The following ASCC2 variants were observed in gnomAD, a reference collection of about 807,000 sequenced individuals.
ASCC2 encodes the protein activating signal cointegrator 1 complex subunit 2, also known as ASC-1 complex subunit P100.
In ASCC2, 42 loss-of-function variants were observed where a neutral mutation model predicts 93.5. The ratio of observed to expected loss-of-function variants is 0.45; its 90% CI spans 0.35 to 0.58. The LOEUF is 0.58. ASCC2 is among the 20% of genes least tolerant of loss of function. The pLI is 0.00. For missense variants in ASCC2, 859 were observed against 977.6 expected (o/e 0.88, Z 1.62); for synonymous variants, 364 against 384.2 (o/e 0.95, Z 0.62).
At chr22:29,837,680 A>G (rs947573235) in intron 1 of ASCC2, among the ~76,000 whole-genome samples, 1 of 151,510 alleles carries the variant, frequency 6.6e-6, no homozygotes, top group Non-Finnish European at 1.5e-5. Context: ...ATTAAATACT[A>G]CTCTCCTCAG....
chr22:29,795,126 C>A (rs1219787397), intron 15 of ASCC2, among the ~76,000 whole-genome samples: 3 of 151,968 alleles, frequency 2.0e-5, no homozygotes, highest in Non-Finnish European at 4.4e-5. Flanking sequence ...GGGTATCTGC[C>A]ATGTTGGTCA....
chr22:29,798,540 G>A (rs1314731682), intron 15 of ASCC2, among the ~76,000 whole-genome samples: 1 of 152,196 alleles, frequency 6.6e-6, no homozygotes, highest in Admixed American at 6.5e-5. Context: ...ACCAAGCCTA[G>A]ACGGCCCTAC....
Position 29,822,380 on chromosome 22 carries a change from C to T in ASCC2, c.496G>A (p.Val166Met), listed in dbSNP as rs779333751. 8.7e-6 allele frequency: 14 copies of T among 1,613,792 alleles called. No homozygotes were observed. The Admixed American group carries it at 1.0e-4, about 12-fold the overall frequency. The stretch of plus-strand genomic sequence containing the variant: ...GGTGAGTTGCCTTTTCCAAAGAGCA[C>T]GCAGAGGTCCAGGATCTTTGGAATG... The part of the protein sequence containing the change: ...FDIPKILDLC[V>M]LFGKGNSPLL... The change falls in exon 5 of 20, where the codon GTG becomes ATG. Residue 166 changes from valine to methionine, a missense_variant. Physicochemically the swap from Val to Met is conservative, Grantham distance 21 (BLOSUM62 1). Transcript: ENST00000307790.
chr22:29,837,323 C>T (rs2063938980), intron 1 of ASCC2, among the ~76,000 whole-genome samples: 1 of 151,822 alleles, frequency 6.6e-6, no homozygotes, highest in Admixed American at 6.6e-5. Flanking sequence ...ATCCTAGCTA[C>T]TCAGGAGGCT....
intron 13 of ASCC2, among the ~76,000 whole-genome samples, chr22:29,804,140 G>A (rs1291748354): frequency 1.3e-5 from 2 of 152,194 alleles, no homozygotes; most frequent in African/African-American, 4.8e-5. Context: ...GGCCTTGGTG[G>A]CCAATCAAGA....
At chr22:29,815,286 G>T (rs1832835366) in intron 6 of ASCC2, 1 of 153,544 alleles carries the variant, frequency 6.5e-6, no homozygotes, top group Non-Finnish European at 1.4e-5. Flanking sequence ...GACAGAGCAG[G>T]ACCCTGTCTT....
chr22:29,831,143 G>A (rs537172912), intron 2 of ASCC2, among the ~76,000 whole-genome samples: 1 of 152,308 alleles, frequency 6.6e-6, no homozygotes, highest in East Asian at 1.9e-4. Context: ...AGCTACATGT[G>A]GTGAATGACC....
At chr22:29,806,653 A>G (rs2059704953) in intron 10 of ASCC2, 100 bp from the exon 11 acceptor site, 3 of 1,436,308 alleles carry the variant, frequency 2.1e-6, no homozygotes, top group Non-Finnish European at 1.9e-6. Context: ...GGCCCAGTGG[A>G]GGAATGAGGC....
In ASCC2 at chr22:29,818,403, T is replaced by TACACACACAC. The variant is rs35685093; in HGVS notation, c.542-2340_542-2331dup. 3.6e-4 allele frequency among the ~76,000 whole-genome samples: 39 copies of TACACACACAC among 108,118 alleles called. 1 individual carries two copies. Among genetic ancestry groups the TACACACACAC allele is most frequent in the African/African-American group, 5.2e-4 (14 of 27,060 alleles). The allele number at this position is 108,118 out of a possible 152,430, so 70.9% of individuals were successfully genotyped here. On this transcript the variant is annotated intron_variant, in intron 5 of 19. Transcript: ENST00000307790. ...TCCCTTCTCTGCATCACTCCCTGCCTACACACACACACACACACACACACA... is the reference window on the plus strand; with the variant it reads ...TCCCTTCTCTGCATCACTCCCTGCCTACACACACACACACACACACACACACACACACACA...
At chr22:29,834,600 T>C (rs1568966828) in intron 1 of ASCC2, 2 of 470,030 alleles carry the variant, frequency 4.3e-6, no homozygotes, top group South Asian at 1.6e-5. Context: ...TTAGGTAAGT[T>C]TTCATCTTTC....
In ASCC2 at chr22:29,793,483, A is replaced by G; in HGVS notation, c.1796T>C (p.Leu599Pro). 1.2e-6 allele frequency: 2 copies of G among 1,614,150 alleles called. No individual in the cohort carries two copies. Among genetic ancestry groups the G allele is most frequent in the South Asian group, 1.1e-5 (1 of 91,084 alleles). ...QYSVVVEEVP[L>P]QPGESLPYHS... ...GTAGGGCAGGCTCTCGCCTGGCTGC[A>G]GTGGCACCTGCAATGGCATAAGCAT... The change falls in exon 17 of 20, where the codon CTG (leucine) becomes CCG (proline). Residue 599 changes from leucine to proline, a missense_variant. Physicochemically the swap from Leu to Pro is moderately conservative, Grantham distance 98. Coordinates refer to ENST00000307790, the MANE Select transcript of ASCC2 (RefSeq NM_032204.5).
chr22:29,826,169 T>C (rs2062989688), intron 2 of ASCC2: 1 of 162,232 alleles, frequency 6.2e-6, no homozygotes. Flanking sequence ...CACACTGGTA[T>C]TGATTTTTAA....
intron 5 of ASCC2, among the ~76,000 whole-genome samples, chr22:29,817,780 G>C (rs190111342): frequency 2.6e-5 from 4 of 152,154 alleles, no homozygotes; most frequent in African/African-American, 9.7e-5. Context: ...TGACAGTGAC[G>C]ATGTAACTTT....
intron 18 of ASCC2, among the ~76,000 whole-genome samples, chr22:29,790,919 A>T (rs992546762): frequency 1.3e-5 from 2 of 152,090 alleles, no homozygotes; most frequent in African/African-American, 4.8e-5. Flanking sequence ...CCACCGTGGG[A>T]GCTAAGTGGT....
chr22:29,823,325 T>C (rs1288910943), intron 4 of ASCC2, among the ~76,000 whole-genome samples: 3 of 152,128 alleles, frequency 2.0e-5, no homozygotes, highest in Non-Finnish European at 4.4e-5. Context: ...AGGCATGAGC[T>C]ACCATACCAG....
At chr22:29,822,867 G>A (rs980037513) in intron 4 of ASCC2, among the ~76,000 whole-genome samples, 5 of 150,954 alleles carry the variant, frequency 3.3e-5, no homozygotes, top group Admixed American at 3.3e-4. Flanking sequence ...CTACAGGCAC[G>A]TGCCACAACG....
At chr22:29,819,168 G>T (rs1283204954) in intron 5 of ASCC2, among the ~76,000 whole-genome samples, 2 of 151,070 alleles carry the variant, frequency 1.3e-5, no homozygotes, top group Non-Finnish European at 3.0e-5. Flanking sequence ...AACCCAATTT[G>T]TTTTTTTTTG....
intron 8 of ASCC2, chr22:29,810,436 A>G (rs1355727590): frequency 2.6e-5 from 4 of 152,216 alleles, no homozygotes; most frequent in Admixed American, 2.6e-4. Flanking sequence ...CTATCCTACT[A>G]CAATGCTATA....
At chr22:29,830,014 C>T (rs980952498) in intron 2 of ASCC2, among the ~76,000 whole-genome samples, 1 of 152,146 alleles carries the variant, frequency 6.6e-6, no homozygotes, top group African/African-American at 2.4e-5. Flanking sequence ...AGGAGCTGCC[C>T]GTGGCCTTCA....
Sources: allele counts gnomAD v4.1 joint callset (sites outside exome capture counted in the v4.1 genomes callset), GRCh38; gene constraint gnomAD v4.1.1; transcripts MANE v1.5; gene names NCBI Gene and HGNC (gene_info 2026-07-23, HGNC 2026-07-21).